The following CCSER1 variants were observed in gnomAD, a reference collection of about 807,000 sequenced individuals.
The protein encoded by CCSER1 is coiled-coil serine rich protein 1.
A neutral mutation model predicts 82.0 loss-of-function variants in CCSER1; 41 were observed. The ratio of observed to expected loss-of-function variants is 0.50; its 90% confidence interval spans 0.39 to 0.65. The LOEUF is 0.65. Among genes scored for constraint, CCSER1 ranks in the 30% least tolerant of loss-of-function variants. CCSER1 has a pLI of 0.00. For synonymous variants in CCSER1, 414 were observed against 383.9 expected (o/e 1.08, Z -0.92); for missense variants, 1,119 against 1,064.2 (o/e 1.05, Z -0.72).
chr4:91,062,847 G>A (rs1039826660), intron 9 of CCSER1, among the ~76,000 whole-genome samples: 4 of 152,010 alleles, frequency 2.6e-5, no homozygotes, highest in African/African-American at 9.7e-5. Flanking sequence ...TATAGACTCT[G>A]AAATATTACA....
chr4:90,759,811 C>T (rs1017305444), intron 7 of CCSER1, among the ~76,000 whole-genome samples: 1 of 151,982 alleles, frequency 6.6e-6, no homozygotes, highest in Non-Finnish European at 1.5e-5. Flanking sequence ...CACATATATA[C>T]CACAGAGATG....
intron 10 of CCSER1, among the ~76,000 whole-genome samples, chr4:91,296,527 G>A (rs1744198918): frequency 7.4e-6 from 1 of 135,312 alleles, no homozygotes; most frequent in Non-Finnish European, 1.6e-5. Context: ...TATAGATATA[G>A]ATATAAAAAT....
intron 1 of CCSER1, among the ~76,000 whole-genome samples, chr4:90,208,902 T>C (rs1739433498): frequency 6.6e-6 from 1 of 152,174 alleles, no homozygotes; most frequent in Non-Finnish European, 1.5e-5. Flanking sequence ...TCACCTGCCT[T>C]CTGCCTTTAT....
chr4:90,586,706 C>A (rs10000355), intron 5 of CCSER1, among the ~76,000 whole-genome samples: 46,308 of 152,028 alleles, frequency 0.3, 7,319 homozygotes, highest in East Asian at 0.51. Context: ...AAATAAAAAT[C>A]ATTTTCATTG....
At chr4:90,867,504 A>G (rs1307373584) in intron 8 of CCSER1, among the ~76,000 whole-genome samples, 1 of 152,072 alleles carries the variant, frequency 6.6e-6, no homozygotes, top group Non-Finnish European at 1.5e-5. Flanking sequence ...TGAGTTATCC[A>G]TCACTGCAAG....
chr4:91,101,355 C>A (rs762743456), intron 10 of CCSER1, among the ~76,000 whole-genome samples: 2 of 152,130 alleles, frequency 1.3e-5, no homozygotes, highest in Non-Finnish European at 2.9e-5. Context: ...TAAAAGTAAG[C>A]AGGAATTTGA....
chr4:91,323,269 A>C (rs921951427), intron 10 of CCSER1, among the ~76,000 whole-genome samples: 2 of 152,176 alleles, frequency 1.3e-5, no homozygotes, highest in African/African-American at 4.8e-5. Flanking sequence ...GGCAAAGAGC[A>C]GTGGTTCTCA....
chr4:90,167,583 C>T (rs917042164), intron 1 of CCSER1, among the ~76,000 whole-genome samples: 4 of 152,130 alleles, frequency 2.6e-5, no homozygotes, highest in African/African-American at 4.8e-5. Context: ...AGTAACTCGT[C>T]ATTTAACATT....
intron 10 of CCSER1, among the ~76,000 whole-genome samples, chr4:91,124,155 A>G (rs1282651031): frequency 1.3e-5 from 2 of 151,702 alleles, no homozygotes; most frequent in East Asian, 1.9e-4. Context: ...TGCATAACCT[A>G]TATACTAATT....
At chr4:91,522,428 A>T (rs1048810991) in intron 10 of CCSER1, among the ~76,000 whole-genome samples, 1 of 152,166 alleles carries the variant, frequency 6.6e-6, no homozygotes, top group Non-Finnish European at 1.5e-5. Flanking sequence ...TGGTAGCTTG[A>T]TGGGGATGGC....
chr4:91,100,575 T>C (rs1406629052), intron 10 of CCSER1, among the ~76,000 whole-genome samples: 3 of 152,164 alleles, frequency 2.0e-5, no homozygotes, highest in South Asian at 2.1e-4. Context: ...ATCCCAAATA[T>C]GGCAAAAAAT....
chr4:90,215,776 C>T (rs895596054), intron 1 of CCSER1, among the ~76,000 whole-genome samples: 3 of 152,058 alleles, frequency 2.0e-5, no homozygotes, highest in African/African-American at 7.2e-5. Flanking sequence ...AATTGAAAAC[C>T]TGCCTCAGAT....
At chr4:91,099,404 G>A (rs1456893668) in intron 10 of CCSER1, among the ~76,000 whole-genome samples, 1 of 152,124 alleles carries the variant, frequency 6.6e-6, no homozygotes, top group Non-Finnish European at 1.5e-5. Context: ...AGAATTGATA[G>A]GCAATAAGGA....
At chr4:90,634,458 G>A (rs775032600) in intron 6 of CCSER1, among the ~76,000 whole-genome samples, 9 of 151,108 alleles carry the variant, frequency 6.0e-5, no homozygotes, top group South Asian at 2.1e-4. Context: ...TTTTTTCAGC[G>A]TAATTTGCAA....
Position 90,644,969 on chromosome 4 carries a change from A to C in CCSER1, c.1932+16737A>C, listed in dbSNP as rs139614793. Among the ~76,000 whole-genome samples, 96 of 151,300 alleles carry C rather than the reference A, an allele frequency of 6.3e-4. 1 individual carries two copies. The East Asian group carries it at 0.015, about 24-fold the overall frequency. Reference sequence around the variant, plus strand: ...TCGTGGCACACACCTGTAATCCCAGATACTCGGGAGGCTAAGACAAGAGAA... The same window carrying C: ...TCGTGGCACACACCTGTAATCCCAGCTACTCGGGAGGCTAAGACAAGAGAA... On this transcript the variant is annotated intron_variant, in intron 6 of 10. Coordinates refer to ENST00000509176, the MANE Select transcript of CCSER1 (RefSeq NM_001145065.2).
At position 91,261,716 on chromosome 4, in the gene CCSER1, G is replaced by A. The variant is rs1041781185; in HGVS notation, c.2217+175722G>A. ...TCACTGCCACTTCACCCCTCCACAT[G>A]TAACTCAAATGAAAACAACAACAGT... On this transcript the variant is annotated intron_variant, in intron 10 of 10. Transcript: ENST00000509176. 2.5e-5 allele frequency among the ~76,000 whole-genome samples: 3 copies of A among 119,094 alleles called. No individual in the cohort carries two copies. The South Asian group carries it at 8.6e-4, about 34-fold the overall frequency. 78.1% of individuals were successfully genotyped at this position (119,094 alleles called of 152,430 possible).
intron 5 of CCSER1, among the ~76,000 whole-genome samples, chr4:90,512,501 C>T (rs1269856149): frequency 1.3e-5 from 2 of 152,100 alleles, no homozygotes; most frequent in Non-Finnish European, 2.9e-5. Flanking sequence ...GACTGACAGA[C>T]ATGCCTATAA....
intron 10 of CCSER1, among the ~76,000 whole-genome samples, chr4:91,462,873 G>C (rs1560690724): frequency 2.0e-5 from 3 of 151,996 alleles, no homozygotes; most frequent in Admixed American, 6.5e-5. Context: ...GCTTGAACTG[G>C]GTAGAGCCCA....
chr4:91,098,727 G>A (rs1426479446), intron 10 of CCSER1, among the ~76,000 whole-genome samples: 1 of 152,060 alleles, frequency 6.6e-6, no homozygotes. Flanking sequence ...ATTTTTAGTA[G>A]AGATGGGGTT....
Sources: gnomAD v4.1 joint callset for allele counts (sites outside exome capture counted in the v4.1 genomes callset) on GRCh38, gnomAD v4.1.1 for gene constraint, MANE v1.5 for transcripts, NCBI Gene and HGNC (gene_info 2026-07-23, HGNC 2026-07-21) for gene names.